UAP1: variants seen among roughly 807,000 people sequenced by gnomAD.
The protein encoded by UAP1 is UDP-N-acetylglucosamine pyrophosphorylase 1.
In UAP1, 25 loss-of-function variants were observed where a neutral mutation model predicts 58.5. The ratio of observed to expected loss-of-function variants is 0.43; its 90% CI spans 0.31 to 0.60. The LOEUF is 0.60. UAP1 is among the 20% of genes least tolerant of loss of function. UAP1 has a pLI of 0.11. For synonymous variants in UAP1, 208 were observed against 213.0 expected (o/e 0.98, Z 0.21); for missense variants, 575 against 630.0 (o/e 0.91, Z 0.93).
At chr1:162,567,705 A>G (rs1043913786) in intron 2 of UAP1, among the ~76,000 whole-genome samples, 2 of 152,224 alleles carry the variant, frequency 1.3e-5, no homozygotes, top group African/African-American at 4.8e-5. Context: ...CAAAAATAAT[A>G]TTGAAATAAC....
chr1:162,589,183 TAATATATA>T, intron 7 of UAP1, among the ~76,000 whole-genome samples: 1 of 90,774 alleles, frequency 1.1e-5, no homozygotes, highest in East Asian at 2.9e-4. Flanking sequence ...ATATTATATA[TAATATATA>T]TTATATATTA....
At chr1:162,561,800 A>T (rs1237972778) in intron 1 of UAP1, 23 bp downstream of exon 1, 1 of 152,394 alleles carries the variant, frequency 6.6e-6, no homozygotes, top group Non-Finnish European at 1.5e-5. Flanking sequence ...CAGCCCAGCG[A>T]GGAGACGGCG....
chr1:162,588,930 A>G, intron 7 of UAP1, 97 bp downstream of exon 7: 1 of 1,195,758 alleles, frequency 8.4e-7, no homozygotes, highest in East Asian at 2.5e-5. Context: ...AACATTTGAT[A>G]GCACATATCT....
At chr1:162,585,018 G>A (rs923346177) in intron 5 of UAP1, among the ~76,000 whole-genome samples, 1 of 152,130 alleles carries the variant, frequency 6.6e-6, no homozygotes, top group Non-Finnish European at 1.5e-5. Flanking sequence ...CTGGGTTCAA[G>A]TGATCCTCCT....
intron 5 of UAP1, 141 bp downstream of exon 5, chr1:162,581,600 C>A: frequency 2.5e-6 from 2 of 800,684 alleles, no homozygotes; most frequent in East Asian, 2.7e-5. Context: ...AACGGTCCCA[C>A]ACCCACTTTT....
intron 1 of UAP1, among the ~76,000 whole-genome samples, chr1:162,564,454 C>G (rs1653365713): frequency 6.6e-6 from 1 of 152,192 alleles, no homozygotes; most frequent in Admixed American, 6.5e-5. Flanking sequence ...TACTTTTAAC[C>G]TCTGTCTCTC....
chr1:162,577,037 C>T (rs563691779), intron 3 of UAP1, 56 bp downstream of exon 3: 2 of 1,513,724 alleles, frequency 1.3e-6, no homozygotes, highest in East Asian at 4.6e-5. Flanking sequence ...TTATAATATT[C>T]AAAATGCATA....
intron 2 of UAP1, among the ~76,000 whole-genome samples, chr1:162,572,048 T>C (rs548871537): frequency 1.4e-3 from 211 of 152,342 alleles, no homozygotes; most frequent in African/African-American, 4.9e-3. Context: ...GTGGATTGTG[T>C]TATAATTCAT....
intron 5 of UAP1, among the ~76,000 whole-genome samples, chr1:162,585,876 A>G (rs74208048): frequency 0.013 from 1,923 of 152,170 alleles, 30 homozygotes; most frequent in East Asian, 0.05. Context: ...GAAGTAAGAG[A>G]TGGTGATGGG....
At chr1:162,586,748 G>A (rs955487231) in intron 5 of UAP1, among the ~76,000 whole-genome samples, 1 of 152,122 alleles carries the variant, frequency 6.6e-6, no homozygotes, top group African/African-American at 2.4e-5. Context: ...TCTGATTTTA[G>A]TATACCCTCT....
At chr1:162,565,958 C>T (rs893677409) in intron 1 of UAP1, 54 bp from the exon 2 acceptor site, 5 of 1,169,608 alleles carry the variant, frequency 4.3e-6, no homozygotes, top group Non-Finnish European at 4.8e-6. Context: ...GGAAAAAAGC[C>T]CTCAATTTTG....
chr1:162,569,879 G>A (rs1015797157), intron 2 of UAP1, among the ~76,000 whole-genome samples: 2 of 152,128 alleles, frequency 1.3e-5, no homozygotes, highest in African/African-American at 4.8e-5. Context: ...GCCGGGCATG[G>A]TGGCTCATGC....
intron 2 of UAP1, among the ~76,000 whole-genome samples, chr1:162,570,299 A>G (rs1464791360): frequency 6.6e-6 from 1 of 152,178 alleles, no homozygotes; most frequent in Non-Finnish European, 1.5e-5. Context: ...ATATGCATAT[A>G]TTGGGATTGT....
intron 4 of UAP1, 59 bp from the exon 5 acceptor site, chr1:162,581,228 T>A (rs2101788751): frequency 6.6e-7 from 1 of 1,515,176 alleles, no homozygotes; most frequent in East Asian, 2.3e-5. Context: ...GGAAACAATC[T>A]TTGTGTTACC....
chr1:162,598,392 CGTGTTATG>C (rs1308346902), intron 10 of UAP1, among the ~76,000 whole-genome samples: 5 of 152,120 alleles, frequency 3.3e-5, no homozygotes, highest in Non-Finnish European at 7.4e-5. Flanking sequence ...TTTGAGAATT[CGTGTTATG>C]GCTTTGCATC....
At chr1:162,575,932 C>T (rs370801211) in intron 2 of UAP1, among the ~76,000 whole-genome samples, 6 of 152,208 alleles carry the variant, frequency 3.9e-5, no homozygotes, top group East Asian at 3.9e-4. Context: ...ATCCACCTGC[C>T]GCGGCCTCCC....
At chr1:162,576,653 C>A in intron 2 of UAP1, 124 bp from the exon 3 acceptor site, 1 of 896,674 alleles carries the variant, frequency 1.1e-6, no homozygotes, top group Non-Finnish European at 1.7e-6. Context: ...AGCAAATGGC[C>A]TCAGGACAAG....
intron 7 of UAP1, 71 bp downstream of exon 7, chr1:162,588,904 G>GA: frequency 6.8e-7 from 1 of 1,464,218 alleles, no homozygotes; most frequent in Admixed American, 2.4e-5. Flanking sequence ...TCTTAGGCAT[G>GA]AAACTGTTTT....
At chr1:162,596,830 C>T (rs1266600276) in intron 9 of UAP1, among the ~76,000 whole-genome samples, 7 of 152,116 alleles carry the variant, frequency 4.6e-5, no homozygotes, top group Non-Finnish European at 7.4e-5. Context: ...TTTTTGTGCC[C>T]TGTGTCTTAT....
Sources: allele counts gnomAD v4.1 joint callset (sites outside exome capture counted in the v4.1 genomes callset), GRCh38; gene constraint gnomAD v4.1.1; transcripts MANE v1.5; gene names NCBI Gene and HGNC (gene_info 2026-07-23, HGNC 2026-07-21).